Variants in CDK14 observed in about 807,000 individuals in gnomAD.
CDK14 encodes cyclin dependent kinase 14, also known as cyclin-dependent kinase 14.
CDK14 carries 34 observed loss-of-function variants against 60.7 expected under a neutral mutation model. The observed-to-expected ratio is 0.56, with a 90% CI of 0.43 to 0.75. CDK14 has a LOEUF of 0.75. CDK14 is among the 30% of genes least tolerant of loss of function. The pLI is 0.00. For synonymous variants in CDK14, 197 were observed against 203.7 expected, an observed-to-expected ratio of 0.97 and a Z score of 0.28; for missense variants, 482 against 564.1, an observed-to-expected ratio of 0.85 and a Z score of 1.47.
At chr7:91,135,957 T>A (rs963712421) in intron 14 of CDK14, among the ~76,000 whole-genome samples, 5 of 152,142 alleles carry the variant, frequency 3.3e-5, no homozygotes, top group Non-Finnish European at 2.9e-5. Flanking sequence ...CAACCTACAC[T>A]TGTGTCTTTC....
chr7:91,187,933 G>A lies in CDK14; in HGVS notation c.*29-19232G>A, dbSNP rs911418061. On this transcript the variant is annotated intron_variant, in intron 14 of 14. Transcript: ENST00000380050. ...CGGTTTAGCAAAGAGAAGGGAAGAC[G>A]GAGCTGCCATTTTGAACATGCCTAG... 1.3e-4 allele frequency among the ~76,000 whole-genome samples: 20 copies of A among 152,190 alleles called. 2 individuals carry two copies. The highest frequency in any genetic ancestry group is 7.9e-4 in the Admixed American group (12 of 15,286).
intron 3 of CDK14, among the ~76,000 whole-genome samples, chr7:90,744,265 G>A (rs1352378429): frequency 6.6e-6 from 1 of 152,122 alleles, no homozygotes; most frequent in East Asian, 1.9e-4. Context: ...ATCTTGCACT[G>A]CCCTTAATCC....
intron 2 of CDK14, among the ~76,000 whole-genome samples, chr7:90,633,013 T>G (rs1800037747): frequency 6.6e-6 from 1 of 151,926 alleles, no homozygotes; most frequent in Non-Finnish European, 1.5e-5. Context: ...GGAGAATTGC[T>G]TGAATCTGGG....
At chr7:91,094,199 T>C (rs1390054765) in intron 12 of CDK14, among the ~76,000 whole-genome samples, 1 of 152,116 alleles carries the variant, frequency 6.6e-6, no homozygotes, top group African/African-American at 2.4e-5. Context: ...GAAAAATAAA[T>C]AAAAATTATG....
At chr7:90,717,689 T>A (rs1161868847) in intron 2 of CDK14, among the ~76,000 whole-genome samples, 1 of 152,150 alleles carries the variant, frequency 6.6e-6, no homozygotes, top group South Asian at 2.1e-4. Context: ...GAAGGTACCT[T>A]GTTTTTAATG....
chr7:90,893,504 C>G (rs568049528), intron 6 of CDK14, among the ~76,000 whole-genome samples: 1 of 152,308 alleles, frequency 6.6e-6, no homozygotes, highest in African/African-American at 2.4e-5. Context: ...TAGTGATGTT[C>G]TGTTCAGAAC....
chr7:90,809,308 T>A (rs1788993726), intron 5 of CDK14, among the ~76,000 whole-genome samples: 2 of 152,074 alleles, frequency 1.3e-5, no homozygotes, highest in Non-Finnish European at 2.9e-5. Flanking sequence ...GAACTCAGGA[T>A]TCAGAAACTC....
chr7:91,165,656 C>T (rs568706600), intron 14 of CDK14, among the ~76,000 whole-genome samples: 5 of 152,236 alleles, frequency 3.3e-5, no homozygotes, highest in South Asian at 4.2e-4. Context: ...CTGCTTTTAA[C>T]GTTTACTCAT....
chr7:91,156,400 G>A (rs4141416), intron 14 of CDK14, among the ~76,000 whole-genome samples: 9,063 of 152,112 alleles, frequency 0.06, 805 homozygotes, highest in East Asian at 0.47. Flanking sequence ...AATGAGCCCC[G>A]ATGGATTCTT....
chr7:90,898,605 G>A (rs1271466322), intron 6 of CDK14, among the ~76,000 whole-genome samples: 2 of 152,088 alleles, frequency 1.3e-5, no homozygotes, highest in Non-Finnish European at 2.9e-5. Context: ...TATAGTTTAT[G>A]ATATAAGCAG....
rs528037437 is a variant in CDK14 at position 90,691,886 on chromosome 7, T to A, written c.124-34681T>A. Among the ~76,000 whole-genome samples the A allele has an allele frequency of 4.1e-4, 62 of 152,266 alleles. No homozygotes were observed. In the South Asian group the frequency reaches 0.012, roughly 30 times the overall value. ...TTATCAAGGCATTGAGTCTGAATAA[T>A]TTGGAGGATGTAATTACCATAAGTG... On this transcript the variant is annotated intron_variant, in intron 2 of 14. Transcript: ENST00000380050.
At chr7:90,621,576 T>G (rs1187238956) in intron 2 of CDK14, among the ~76,000 whole-genome samples, 2 of 151,858 alleles carry the variant, frequency 1.3e-5, no homozygotes, top group Admixed American at 6.6e-5. Context: ...ACTTTTGGAG[T>G]CTTTTAGGTG....
chr7:91,182,264 G>C (rs895515925), intron 14 of CDK14, among the ~76,000 whole-genome samples: 24 of 151,928 alleles, frequency 1.6e-4, no homozygotes, highest in African/African-American at 5.3e-4. Flanking sequence ...ATTCCAATGA[G>C]AAATATACTG....
intron 8 of CDK14, among the ~76,000 whole-genome samples, chr7:90,929,220 T>C (rs1308412466): frequency 6.6e-6 from 1 of 152,208 alleles, no homozygotes; most frequent in African/African-American, 2.4e-5. Flanking sequence ...GCACCCAGTG[T>C]CTGACAAGCC....
chr7:90,631,409 A>G (rs1799994469), intron 2 of CDK14, among the ~76,000 whole-genome samples: 2 of 152,180 alleles, frequency 1.3e-5, no homozygotes, highest in South Asian at 4.1e-4. Flanking sequence ...ATGATAAGGT[A>G]TGAGGTAGAG....
chr7:90,607,126 C>A (rs115093199), intron 2 of CDK14, among the ~76,000 whole-genome samples: 55 of 152,298 alleles, frequency 3.6e-4, no homozygotes, highest in African/African-American at 1.3e-3. Flanking sequence ...ACAATTTTAT[C>A]ACATCAGAAA....
At chr7:91,155,924 A>G (rs528424191) in intron 14 of CDK14, among the ~76,000 whole-genome samples, 3 of 152,330 alleles carry the variant, frequency 2.0e-5, no homozygotes, top group African/African-American at 7.2e-5. Flanking sequence ...CTAAGTTTTG[A>G]CCCCTAATTC....
intron 2 of CDK14, among the ~76,000 whole-genome samples, chr7:90,693,053 TC>T (rs1162968834): frequency 1.3e-5 from 2 of 152,198 alleles, no homozygotes; most frequent in Non-Finnish European, 2.9e-5. Flanking sequence ...AAAGAATCCG[TC>T]TTTTAGCCTG....
intron 2 of CDK14, among the ~76,000 whole-genome samples, chr7:90,693,033 C>G (rs1204226053): frequency 1.3e-5 from 2 of 152,072 alleles, no homozygotes; most frequent in Non-Finnish European, 2.9e-5. Context: ...AAATGTGAAG[C>G]ACATGAATGA....
Sources: gnomAD v4.1 joint callset for allele counts (sites outside exome capture counted in the v4.1 genomes callset) on GRCh38, gnomAD v4.1.1 for gene constraint, MANE v1.5 for transcripts, NCBI Gene and HGNC (gene_info 2026-07-23, HGNC 2026-07-21) for gene names.